The following DCLK3 variants were observed in gnomAD, a reference collection of about 807,000 sequenced individuals.
The protein encoded by DCLK3 is serine/threonine-protein kinase DCLK3.
Under a neutral mutation model 46.4 loss-of-function variants are expected in DCLK3, and 30 were observed. The observed-to-expected ratio is 0.65, with a 90% CI of 0.48 to 0.88. The LOEUF (loss-of-function observed/expected upper bound fraction) is 0.88. DCLK3 is among the 40% of genes least tolerant of loss of function. The pLI is 0.00. For missense variants in DCLK3, 846 were observed against 907.1 expected, an observed-to-expected ratio of 0.93 and a Z score of 0.87; for synonymous variants, 401 against 339.2, an observed-to-expected ratio of 1.18 and a Z score of -2.00.
chr3:36,736,321 C>T (rs750271104), intron 2 of DCLK3, among the ~76,000 whole-genome samples: 7 of 152,158 alleles, frequency 4.6e-5, no homozygotes, highest in South Asian at 2.1e-4. Flanking sequence ...GATGAAGCAA[C>T]GCAGTCAGTC....
At chr3:36,756,277 C>G (rs1443181643) in intron 1 of DCLK3, among the ~76,000 whole-genome samples, 1 of 152,164 alleles carries the variant, frequency 6.6e-6, no homozygotes, top group Non-Finnish European at 1.5e-5. Context: ...TGATATTCAC[C>G]CATCCATTCC....
chr3:36,718,356 C>T (rs885461), intron 3 of DCLK3, among the ~76,000 whole-genome samples, 179 bp from the exon 4 acceptor site: 6 of 152,232 alleles, frequency 3.9e-5, no homozygotes, highest in African/African-American at 1.2e-4. Context: ...CATAAGGACT[C>T]TACACCATCA....
chr3:36,753,867 T>G (rs1042627586), intron 1 of DCLK3, among the ~76,000 whole-genome samples: 6 of 152,030 alleles, frequency 3.9e-5, no homozygotes, highest in African/African-American at 7.2e-5. Flanking sequence ...GTTAAAGAAA[T>G]AGGGTCTCAC....
chr3:36,717,942 G>A, intron 4 of DCLK3, 68 bp downstream of exon 4: 2 of 1,592,312 alleles, frequency 1.3e-6, no homozygotes, highest in Non-Finnish European at 8.6e-7. Flanking sequence ...ACAGTGGTGG[G>A]TCCTCTACAC....
intron 1 of DCLK3, among the ~76,000 whole-genome samples, chr3:36,761,467 T>A (rs962878275): frequency 2.0e-5 from 3 of 152,126 alleles, no homozygotes; most frequent in Non-Finnish European, 4.4e-5. Flanking sequence ...TCTTTCACTT[T>A]CCCTAGATTT....
chr3:36,729,245 GT>G (rs1231537375), intron 2 of DCLK3, among the ~76,000 whole-genome samples: 1,020 of 63,006 alleles, frequency 0.016, 41 homozygotes, highest in Non-Finnish European at 0.024. Context: ...TTGTGTGTGT[GT>G]GTGGGGGGGG....
rs1446859790 is a variant in DCLK3, at chr3:36,714,281, G to A, written c.*1047C>T. 6.6e-6 allele frequency: 1 copy of A among 152,108 alleles called. No homozygotes were observed. The highest frequency in any genetic ancestry group is 1.5e-5 in the Non-Finnish European group (1 of 68,040). 9.4% of individuals were successfully genotyped at this position (152,108 alleles called of 1,614,324 possible). A position where few individuals can be genotyped will look rare whatever the true frequency, so the allele number is the denominator to read the frequency against. On this transcript the variant is annotated 3_prime_UTR_variant, in exon 5 of 5. Coordinates refer to ENST00000636136, the MANE Select transcript of DCLK3 (RefSeq NM_001394672.2). ...CAAAACTGTTAGGGAAGGTAGACGTGAAAAAGCCACACTCTTGACTAGATT... is the reference window on the plus strand; with the variant it reads ...CAAAACTGTTAGGGAAGGTAGACGTAAAAAAGCCACACTCTTGACTAGATT...
intron 4 of DCLK3, among the ~76,000 whole-genome samples, chr3:36,716,337 T>G (rs1274734389): frequency 6.6e-6 from 1 of 152,216 alleles, no homozygotes; most frequent in African/African-American, 2.4e-5. Context: ...CAAGACCAGC[T>G]GCTTACCCAC....
rs1054275510 is a variant in DCLK3, at chr3:36,714,082, C to G, written c.*1246G>C. Reference sequence around the variant, plus strand: ...GGTTCTAATAACCCCAACTTCTTCCCTTGGTTCTCCAAAGAACAGGAGCCA... The same window carrying G: ...GGTTCTAATAACCCCAACTTCTTCCGTTGGTTCTCCAAAGAACAGGAGCCA... On this transcript the variant is annotated 3_prime_UTR_variant, in exon 5 of 5. Coordinates refer to ENST00000636136, the MANE Select transcript of DCLK3 (RefSeq NM_001394672.2). 6.6e-6 allele frequency: 1 copy of G among 152,236 alleles called. No individual in the cohort carries two copies. The highest frequency in any genetic ancestry group is 2.4e-5 in the African/African-American group (1 of 41,460). 9.4% of individuals were successfully genotyped at this position (152,236 alleles called of 1,614,324 possible). A position where few individuals can be genotyped will look rare whatever the true frequency, so the allele number is the denominator to read the frequency against.
At position 36,738,061 on chromosome 3, in the gene DCLK3, C is replaced by G. The variant is rs962979549; in HGVS notation, c.1106G>C (p.Gly369Ala). 1 of 1,613,760 alleles carries G rather than the reference C, an allele frequency of 6.2e-7. No homozygotes were observed. The highest frequency in any genetic ancestry group is 8.5e-7 in the Non-Finnish European group (1 of 1,179,862). ...NPASGEEGWK[G>A]DSHRSSPRNP... ...CCTGGGGCTGCTCCTGTGGCTGTCA[C>G]CCTTCCACCCTTCCTCCCCACTTGC... The change falls in exon 2 of 5, where the codon GGT becomes GCT. Residue 369 changes from glycine (G) to alanine (A), a missense_variant. This residue lies in a region of DCLK3 where 553 missense variants were observed against 543.0 expected (regional missense o/e 1.02). Coordinates refer to ENST00000636136, the MANE Select transcript of DCLK3 (RefSeq NM_001394672.2).
chr3:36,729,862 T>C (rs1025161333), intron 2 of DCLK3: 1 of 152,222 alleles, frequency 6.6e-6, no homozygotes, highest in Non-Finnish European at 1.5e-5. Context: ...AATCCGTTTA[T>C]ATTTCAACGA....
intron 2 of DCLK3, among the ~76,000 whole-genome samples, chr3:36,724,712 C>T (rs530122465): frequency 9.9e-5 from 15 of 152,274 alleles, no homozygotes; most frequent in African/African-American, 2.6e-4. Context: ...TGTGGGAAGG[C>T]CTCCCCAGCC....
Position 36,737,936 on chromosome 3 carries a change from C to T in DCLK3, c.1231G>A (p.Ala411Thr). The T allele has an allele frequency of 6.2e-7, 1 of 1,614,156 alleles. No individual in the cohort carries two copies. The highest frequency in any genetic ancestry group is 8.5e-7 in the Non-Finnish European group (1 of 1,180,024). ...QESHAQGAAKAKKDLVEVLPV... is the reference protein window; with the variant it reads ...QESHAQGAAKTKKDLVEVLPV... ...AGAACTTCCACAAGGTCCTTCTTGGCCTTGGCTGCTCCCTGAGCATGGCTT... is the reference window on the plus strand; with the variant it reads ...AGAACTTCCACAAGGTCCTTCTTGGTCTTGGCTGCTCCCTGAGCATGGCTT... The change falls in exon 2 of 5, where the codon GCC (alanine) becomes ACC (threonine). Residue 411 changes from alanine (A) to threonine (T), a missense_variant. This residue lies in a region of DCLK3 where 553 missense variants were observed against 543.0 expected (regional missense o/e 1.02). Coordinates refer to ENST00000636136, the MANE Select transcript of DCLK3 (RefSeq NM_001394672.2). The surrounding 1 kb of genome is among the most constrained non-coding windows in gnomAD (Gnocchi z 4.4).
At chr3:36,733,854 A>G (rs1701227730) in intron 2 of DCLK3, among the ~76,000 whole-genome samples, 1 of 152,218 alleles carries the variant, frequency 6.6e-6, no homozygotes, top group Non-Finnish European at 1.5e-5. Flanking sequence ...TCTGTTGATT[A>G]AAACATGAAA....
intron 1 of DCLK3, among the ~76,000 whole-genome samples, chr3:36,763,324 TC>T (rs1378370747): frequency 6.6e-6 from 1 of 151,834 alleles, no homozygotes; most frequent in Admixed American, 6.6e-5. Flanking sequence ...CTCACACACT[TC>T]CCCCCTCCCA....
intron 1 of DCLK3, among the ~76,000 whole-genome samples, chr3:36,753,365 C>T (rs1484181556): frequency 1.3e-5 from 2 of 152,174 alleles, no homozygotes; most frequent in African/African-American, 2.4e-5. Context: ...CCACACATCG[C>T]GTTTGTGGCC....
chr3:36,737,687 G>A lies in DCLK3; in HGVS notation c.1480C>T (p.Pro494Ser). Residue 494 changes from proline to serine, a missense_variant, in exon 2 of 5, where the codon CCC becomes TCC. Physicochemically the swap from Pro to Ser is moderately conservative, Grantham distance 74. This residue lies in a region of DCLK3 where 553 missense variants were observed against 543.0 expected (regional missense o/e 1.02). Transcript: ENST00000636136. The surrounding 1 kb of genome is among the most constrained non-coding windows in gnomAD (Gnocchi z 4.4). ...TTGTTCTCTTCTGGCCTCGTCTTGGGCTCCTTTTCTAGCTTTGCAGGTTGG... is the reference window on the plus strand; with the variant it reads ...TTGTTCTCTTCTGGCCTCGTCTTGGACTCCTTTTCTAGCTTTGCAGGTTGG... ...DDQPAKLEKE[P>S]KTRPEENKPE... The A allele has an allele frequency of 6.2e-7, 1 of 1,613,694 alleles. No individual in the cohort carries two copies. Among genetic ancestry groups the A allele is most frequent in the Non-Finnish European group, 8.5e-7 (1 of 1,179,924 alleles).
chr3:36,763,767 A>C (rs1197142720), intron 1 of DCLK3, among the ~76,000 whole-genome samples: 1 of 152,046 alleles, frequency 6.6e-6, no homozygotes, highest in Non-Finnish European at 1.5e-5. Flanking sequence ...AATACGCTTA[A>C]CTCTAGGTGA....
chr3:36,736,112 A>C lies in DCLK3; in HGVS notation c.1959+1096T>G, dbSNP rs144081872. On this transcript the variant is annotated intron_variant, in intron 2 of 4. Transcript: ENST00000636136. Reference sequence around the variant, plus strand: ...CTAAGTTTACCGACTCATTGTCATAAGGGAGAACACGTACTGTTGGAATCT... The same window carrying C: ...CTAAGTTTACCGACTCATTGTCATACGGGAGAACACGTACTGTTGGAATCT... Among the ~76,000 whole-genome samples, 494 of 152,340 alleles carry C rather than the reference A, an allele frequency of 3.2e-3. 4 individuals carry two copies. Among genetic ancestry groups the C allele is most frequent in the South Asian group, 0.019 (91 of 4,828 alleles).
Sources: allele counts gnomAD v4.1 joint callset (sites outside exome capture counted in the v4.1 genomes callset), GRCh38; gene constraint gnomAD v4.1.1; regional missense constraint gnomAD v4.1.1; non-coding constraint Gnocchi (gnomAD v3.1); transcripts MANE v1.5; gene names NCBI Gene and HGNC (gene_info 2026-07-23, HGNC 2026-07-21).